The following PELP1 variants were observed in gnomAD, a reference collection of about 807,000 sequenced individuals.
PELP1 encodes proline, glutamate and leucine rich protein 1.
PELP1 carries 32 observed loss-of-function variants against 95.5 expected under a neutral mutation model. The ratio of observed to expected loss-of-function variants is 0.34; its 90% CI spans 0.25 to 0.45. PELP1 has a LOEUF of 0.45. Ranked by LOEUF, PELP1 falls within the 20% of genes least tolerant of loss-of-function variation. PELP1 has a pLI of 1.00. For missense variants in PELP1, 1,358 were observed against 1,444.8 expected (o/e 0.94, Z 0.97); for synonymous variants, 668 against 600.1 (o/e 1.11, Z -1.65).
At position 4,674,579 on chromosome 17, in the gene PELP1, T is replaced by C. The variant is rs769184511; in HGVS notation, c.1513A>G (p.Met505Val). The C allele has an allele frequency of 1.7e-5, 27 of 1,611,866 alleles. No individual in the cohort carries two copies. Among genetic ancestry groups the C allele is most frequent in the Non-Finnish European group, 2.0e-5 (24 of 1,179,244 alleles). ...CCTTTCCGGTGGCTTGGCGGGGCCA[T>C]AGCTTCCCCCACATCCAGCTTTAGC... is the stretch of plus-strand genomic sequence containing the variant. Reference protein sequence around the residue: ...KKLKLDVGEAMAPPSHRKGDS... With the variant: ...KKLKLDVGEAVAPPSHRKGDS... The change falls in exon 13 of 17, where the codon ATG becomes GTG. Residue 505 changes from methionine to valine, a missense_variant. By Grantham distance (21) the Met-to-Val change is conservative. This residue lies in a region of PELP1 where 538 missense variants were observed against 628.1 expected (regional missense o/e 0.86). Transcript: ENST00000572293.
rs765164403 is a variant in PELP1, at chr17:4,704,079, C to G, written c.33G>C (p.Ala11=). Residue 11 remains alanine (A), a synonymous_variant, in exon 1 of 17, where the codon GCG becomes GCC. Transcript: ENST00000572293. ...CGCCAGGAACCCCAGCCGCGGAGCC[C>G]GCAGAGGGCCCACTCAGAACGGCTG... MAAAVLSGPS[A]GSAAGVPGGT... is the part of the protein sequence containing the mutation. The G allele has an allele frequency of 3.7e-6, 6 of 1,611,124 alleles. No homozygotes were observed. The highest frequency in any genetic ancestry group is 5.1e-6 in the Non-Finnish European group (6 of 1,179,380).
intron 5 of PELP1, among the ~76,000 whole-genome samples, chr17:4,677,975 G>A (rs1182386739): frequency 6.6e-6 from 1 of 151,936 alleles, no homozygotes; most frequent in African/African-American, 2.4e-5. Flanking sequence ...CAGCACTTTG[G>A]GAGGCTGAGG....
In PELP1 at chr17:4,674,570, G is replaced by A. The variant is rs756678368; in HGVS notation, c.1522C>T (p.Pro508Ser). The A allele has an allele frequency of 6.2e-7, 1 of 1,612,404 alleles. No individual in the cohort carries two copies. Among genetic ancestry groups the A allele is most frequent in the South Asian group, 1.1e-5 (1 of 90,922 alleles). Residue 508 changes from proline to serine, a missense_variant, in exon 13 of 17, where the codon CCA (proline) becomes TCA (serine). Coordinates refer to ENST00000572293, the MANE Select transcript of PELP1 (RefSeq NM_014389.3). ...TTGCTATCCCCTTTCCGGTGGCTTG[G>A]CGGGGCCATAGCTTCCCCCACATCC... ...KLDVGEAMAPPSHRKGDSNAN... is the reference protein window; with the variant it reads ...KLDVGEAMAPSSHRKGDSNAN...
At chr17:4,694,885 C>T (rs1425554894) in intron 1 of PELP1, among the ~76,000 whole-genome samples, 1 of 151,634 alleles carries the variant, frequency 6.6e-6, no homozygotes, top group Non-Finnish European at 1.5e-5. Context: ...GAAGGAGAAT[C>T]GCTTGAACCT....
Position 4,675,900 on chromosome 17 carries a change from G to A in PELP1, c.981-16C>T, listed in dbSNP as rs753487739. The A allele has an allele frequency of 5.1e-5, 81 of 1,585,040 alleles. No individual in the cohort carries two copies. Among genetic ancestry groups the A allele is most frequent in the Non-Finnish European group, 6.4e-5 (75 of 1,164,136 alleles). ...AAACTCAGAGCTAAAGAGAATCAGAGCAGGGAGACCTTCAGAGCAGGCTCC... is the reference window on the plus strand; with the variant it reads ...AAACTCAGAGCTAAAGAGAATCAGAACAGGGAGACCTTCAGAGCAGGCTCC... On this transcript the variant is annotated splice_polypyrimidine_tract_variant and intron_variant, in intron 8 of 16. Transcript: ENST00000572293. This position sits in a 1 kb window ranked among gnomAD's most constrained non-coding sequence, Gnocchi z 4.3.
chr17:4,685,305 C>T (rs146174946), intron 3 of PELP1, among the ~76,000 whole-genome samples: 2 of 152,106 alleles, frequency 1.3e-5, no homozygotes, highest in African/African-American at 4.8e-5. Context: ...TTCGCTTGGC[C>T]CCCCCAGCCC....
chr17:4,703,116 G>A (rs747943096), intron 1 of PELP1, among the ~76,000 whole-genome samples: 1 of 152,042 alleles, frequency 6.6e-6, no homozygotes, highest in Non-Finnish European at 1.5e-5. Context: ...CTCCTAACCC[G>A]GCCTAAAACG....
chr17:4,683,585 C>T (rs1320761979), intron 3 of PELP1, among the ~76,000 whole-genome samples: 3 of 133,434 alleles, frequency 2.2e-5, no homozygotes, highest in Non-Finnish European at 4.6e-5. Flanking sequence ...GGGTGGAATG[C>T]ACTGGGGCAA....
chr17:4,698,727 A>ATGT (rs58806307), intron 1 of PELP1, among the ~76,000 whole-genome samples: 11,607 of 151,398 alleles, frequency 0.077, 622 homozygotes, highest in Middle Eastern at 0.16. Context: ...TGGACTAGAA[A>ATGT]TGTTGTTGTT....
Position 4,704,093 on chromosome 17 carries a change from T to C in PELP1, c.19A>G (p.Ser7Gly). 2 of 1,608,766 alleles carry C rather than the reference T, an allele frequency of 1.2e-6. No homozygotes were observed. The highest frequency in any genetic ancestry group is 1.7e-6 in the Non-Finnish European group (2 of 1,178,508). Reference sequence around the variant, plus strand: ...GCCGCGGAGCCCGCAGAGGGCCCACTCAGAACGGCTGCCGCCATCTTCCCC... The same window carrying C: ...GCCGCGGAGCCCGCAGAGGGCCCACCCAGAACGGCTGCCGCCATCTTCCCC... Reference protein sequence around the residue: MAAAVLSGPSAGSAAGV... With the variant: MAAAVLGGPSAGSAAGV... The change falls in exon 1 of 17, where the codon AGT becomes GGT. Residue 7 changes from serine to glycine, a missense_variant. Physicochemically the swap from Ser to Gly is moderately conservative, Grantham distance 56 (BLOSUM62 0). This residue lies in a region of PELP1 where 169 missense variants were observed against 134.9 expected (regional missense o/e 1.25). Coordinates refer to ENST00000572293, the MANE Select transcript of PELP1 (RefSeq NM_014389.3).
intron 1 of PELP1, among the ~76,000 whole-genome samples, chr17:4,696,196 G>A (rs1913290096): frequency 6.6e-6 from 1 of 152,076 alleles, no homozygotes; most frequent in African/African-American, 2.4e-5. Context: ...GCCGAACATG[G>A]TGGAGGGCAC....
rs1166255810 is a variant in PELP1, at chr17:4,675,035, C to T, written c.1274+44G>A. The T allele has an allele frequency of 6.2e-7, 1 of 1,608,130 alleles. No individual in the cohort carries two copies. The highest frequency in any genetic ancestry group is 8.5e-7 in the Non-Finnish European group (1 of 1,175,046). The stretch of plus-strand genomic sequence containing the variant: ...CCCCAGCCCACCTGCACCCCCTCAC[C>T]CCCCTCTCCTCTTTATTCCCTTCCT... On this transcript the variant is annotated intron_variant, in intron 11 of 16. Coordinates refer to ENST00000572293, the MANE Select transcript of PELP1 (RefSeq NM_014389.3). This position sits in a 1 kb window ranked among gnomAD's most constrained non-coding sequence, Gnocchi z 4.3.
At chr17:4,676,627 T>C in intron 6 of PELP1, 120 bp from the exon 7 acceptor site, 2 of 1,425,068 alleles carry the variant, frequency 1.4e-6, no homozygotes, top group Non-Finnish European at 9.7e-7. Context: ...AAACCTGAGA[T>C]GGGACAATGA....
chr17:4,693,827 T>A (rs1913197716), intron 1 of PELP1, among the ~76,000 whole-genome samples: 1 of 152,198 alleles, frequency 6.6e-6, no homozygotes, highest in Non-Finnish European at 1.5e-5. Flanking sequence ...AGACCACGGT[T>A]GACCACAGGT....
At chr17:4,693,081 A>G (rs1913172403) in intron 1 of PELP1, among the ~76,000 whole-genome samples, 1 of 152,220 alleles carries the variant, frequency 6.6e-6, no homozygotes, top group Non-Finnish European at 1.5e-5. Context: ...ACTCTCAAAT[A>G]TTTACCACAA....
intron 1 of PELP1, among the ~76,000 whole-genome samples, chr17:4,693,757 T>A (rs1376224720): frequency 6.6e-6 from 1 of 152,220 alleles, no homozygotes; most frequent in Non-Finnish European, 1.5e-5. Flanking sequence ...CTGCTCAGAA[T>A]GGCACGTAAT....
rs577389816 is a variant in PELP1 at position 4,670,056 on chromosome 17, T to C, written c.*1383A>G. Reference sequence around the variant, plus strand: ...CATGTAGATACGCAGTTTATAGGGATAAGAGTTAACATGACTAAATGTTAA... The same window carrying C: ...CATGTAGATACGCAGTTTATAGGGACAAGAGTTAACATGACTAAATGTTAA... On this transcript the variant is annotated 3_prime_UTR_variant, in exon 17 of 17. Coordinates refer to ENST00000572293, the MANE Select transcript of PELP1 (RefSeq NM_014389.3). The C allele has an allele frequency of 7.2e-5, 11 of 152,318 alleles. No individual in the cohort carries two copies. In the East Asian group the frequency reaches 1.7e-3, roughly 24 times the overall value. 9.4% of individuals were successfully genotyped at this position (152,318 alleles called of 1,614,324 possible).
Position 4,671,836 on chromosome 17 carries a change from T to G in PELP1, c.3155A>C (p.Glu1052Ala). The change falls in exon 16 of 17, where the codon GAG becomes GCG. Residue 1052 changes from glutamate (E) to alanine (A), a missense_variant. Glu to Ala is a moderately radical substitution (Grantham distance 107). Coordinates refer to ENST00000572293, the MANE Select transcript of PELP1 (RefSeq NM_014389.3). ...ESPAAGPPPQELVEEEPSAPP... is the reference protein window; with the variant it reads ...ESPAAGPPPQALVEEEPSAPP... Reference sequence around the variant, plus strand: ...AGCAGAGGGCTCTTCTTCAACAAGCTCCTGGGGAGGGGGCCCTGCCGCAGG... The same window carrying G: ...AGCAGAGGGCTCTTCTTCAACAAGCGCCTGGGGAGGGGGCCCTGCCGCAGG... The G allele has an allele frequency of 6.6e-7, 1 of 1,513,426 alleles. No homozygotes were observed. Among genetic ancestry groups the G allele is most frequent in the Non-Finnish European group, 8.8e-7 (1 of 1,135,254 alleles). The allele number at this position is 1,513,426 out of a possible 1,614,324, so 93.7% of individuals were successfully genotyped here. A position where few individuals can be genotyped will look rare whatever the true frequency, so the allele number is the denominator to read the frequency against.
chr17:4,674,862 C>A lies in PELP1; in HGVS notation c.1369G>T (p.Ala457Ser). 1 of 1,613,606 alleles carries A rather than the reference C, an allele frequency of 6.2e-7. No homozygotes were observed. The highest frequency in any genetic ancestry group is 8.5e-7 in the Non-Finnish European group (1 of 1,179,796). ...TCGCTGAGCAGGTGGGTGAGCAGGG[C>A]CTCTCCAGAGGCTCCTCCCTGAAGC... ...GMLQGGASGE[A>S]LLTHLLSDIS... The change falls in exon 12 of 17, where the codon GCC becomes TCC. Residue 457 changes from alanine to serine, a missense_variant. Physicochemically the swap from Ala to Ser is moderately conservative, Grantham distance 99 (BLOSUM62 1). This residue lies in a region of PELP1 where 538 missense variants were observed against 628.1 expected (regional missense o/e 0.86). Coordinates refer to ENST00000572293, the MANE Select transcript of PELP1 (RefSeq NM_014389.3).
Sources: gnomAD v4.1 joint callset for allele counts (sites outside exome capture counted in the v4.1 genomes callset) on GRCh38, gnomAD v4.1.1 for gene constraint, gnomAD v4.1.1 regional missense constraint, Gnocchi (gnomAD v3.1) non-coding constraint, MANE v1.5 for transcripts, NCBI Gene and HGNC (gene_info 2026-07-23, HGNC 2026-07-21) for gene names.